SPECC1: variants seen among roughly 807,000 people sequenced by gnomAD.
SPECC1 encodes sperm antigen with calponin homology and coiled-coil domains 1, also known as cytospin-B.
A neutral mutation model predicts 104.1 loss-of-function variants in SPECC1; 62 were observed. That is an observed-to-expected ratio of 0.60 (90% CI 0.49 to 0.74). SPECC1 has a LOEUF of 0.74. SPECC1 is among the 30% of genes least tolerant of loss of function. The pLI is 0.00. For synonymous variants in SPECC1, 513 were observed against 501.6 expected, an observed-to-expected ratio of 1.02 and a Z score of -0.30; for missense variants, 1,306 against 1,310.5, an observed-to-expected ratio of 1.00 and a Z score of 0.05.
At chr17:20,072,735 C>G (rs1567824729) in intron 1 of SPECC1, among the ~76,000 whole-genome samples, 1 of 152,342 alleles carries the variant, frequency 6.6e-6, no homozygotes, top group East Asian at 1.9e-4. Context: ...TATAAGAGCT[C>G]TCTGCCATGC....
intron 1 of SPECC1, among the ~76,000 whole-genome samples, chr17:20,076,762 T>C (rs957268160): frequency 6.6e-6 from 1 of 152,180 alleles, no homozygotes; most frequent in Admixed American, 6.5e-5. Flanking sequence ...GTTGCTAAAT[T>C]ACTTTATATC....
chr17:20,264,691 C>G (rs1274760408), intron 12 of SPECC1, among the ~76,000 whole-genome samples: 1 of 151,832 alleles, frequency 6.6e-6, no homozygotes, highest in Non-Finnish European at 1.5e-5. Context: ...AGGCTGGTCT[C>G]GAACTCCTGA....
At chr17:20,260,555 G>C (rs933718879) in intron 12 of SPECC1, among the ~76,000 whole-genome samples, 1 of 152,222 alleles carries the variant, frequency 6.6e-6, no homozygotes, top group South Asian at 2.1e-4. Context: ...CACCTCCCGA[G>C]GGAAGGGGAC....
At chr17:20,022,895 A>T (rs572608701) in intron 1 of SPECC1, among the ~76,000 whole-genome samples, 1 of 152,320 alleles carries the variant, frequency 6.6e-6, no homozygotes, top group South Asian at 2.1e-4. Context: ...GCTGCATCTC[A>T]TGACACTATT....
chr17:20,307,093 C>A (rs969538692), intron 14 of SPECC1, among the ~76,000 whole-genome samples: 3 of 152,034 alleles, frequency 2.0e-5, no homozygotes, highest in Non-Finnish European at 2.9e-5. Flanking sequence ...TCATTAGATA[C>A]AGCAGAAGAG....
intron 1 of SPECC1, among the ~76,000 whole-genome samples, chr17:20,056,028 T>G (rs2045951765): frequency 6.6e-6 from 1 of 152,224 alleles, no homozygotes. Flanking sequence ...GGGATTTCTG[T>G]TAGCTAGATC....
At chr17:20,123,746 T>C (rs1011457336) in intron 3 of SPECC1, among the ~76,000 whole-genome samples, 2 of 152,244 alleles carry the variant, frequency 1.3e-5, no homozygotes, top group African/African-American at 4.8e-5. Flanking sequence ...TCTTTACCTG[T>C]TGTAGAATTA....
chr17:20,118,022 T>G (rs2048846505), intron 3 of SPECC1, among the ~76,000 whole-genome samples: 1 of 151,930 alleles, frequency 6.6e-6, no homozygotes, highest in Non-Finnish European at 1.5e-5. Flanking sequence ...GGAGGATCAC[T>G]TGAACCTGGG....
At chr17:20,211,822 C>T in intron 4 of SPECC1, among the ~76,000 whole-genome samples, 1 of 152,214 alleles carries the variant, frequency 6.6e-6, no homozygotes, top group East Asian at 1.9e-4. Flanking sequence ...CCCAATCCTG[C>T]CTGACCCTGC....
chr17:20,227,964 C>T (rs922584594), intron 5 of SPECC1, among the ~76,000 whole-genome samples: 1 of 150,296 alleles, frequency 6.7e-6, no homozygotes, highest in African/African-American at 2.4e-5. Context: ...CAGTGGGTGA[C>T]GAGGGGGGGT....
chr17:20,227,017 C>T (rs2038257909), intron 4 of SPECC1, among the ~76,000 whole-genome samples: 1 of 110,870 alleles, frequency 9.0e-6, no homozygotes. Context: ...CCCAGGGAAG[C>T]ACTGCTCTCC....
At chr17:20,169,867 A>G (rs556781611) in intron 3 of SPECC1, among the ~76,000 whole-genome samples, 52 of 152,240 alleles carry the variant, frequency 3.4e-4, no homozygotes, top group Admixed American at 1.5e-3. Flanking sequence ...TGTTGCGCCA[A>G]TTTGCTTTAG....
At chr17:20,134,422 T>C (rs2049817962) in intron 3 of SPECC1, among the ~76,000 whole-genome samples, 1 of 151,826 alleles carries the variant, frequency 6.6e-6, no homozygotes, top group South Asian at 2.1e-4. Flanking sequence ...TAACATCCTT[T>C]CACTGCCCCA....
At chr17:20,281,222 C>T (rs1011565469) in intron 12 of SPECC1, among the ~76,000 whole-genome samples, 19 of 152,184 alleles carry the variant, frequency 1.2e-4, no homozygotes, top group Admixed American at 1.3e-4. Context: ...TGTTATACAG[C>T]GTGTCACCAT....
At chr17:20,157,536 G>A (rs999113729) in intron 3 of SPECC1, among the ~76,000 whole-genome samples, 1 of 152,136 alleles carries the variant, frequency 6.6e-6, no homozygotes. Flanking sequence ...TAAAGGATTG[G>A]TAACATTTTA....
chr17:20,263,698 C>T (rs922765568), intron 12 of SPECC1, among the ~76,000 whole-genome samples: 3 of 152,102 alleles, frequency 2.0e-5, no homozygotes, highest in African/African-American at 4.8e-5. Flanking sequence ...CCACTGATGC[C>T]GCCTGTGCTG....
chr17:20,126,214 C>T (rs542711158), intron 3 of SPECC1, among the ~76,000 whole-genome samples: 7 of 152,242 alleles, frequency 4.6e-5, no homozygotes, highest in South Asian at 4.1e-4. Context: ...CTGCTCTCCT[C>T]TCCTCCTTTC....
chr17:20,017,870 T>C (rs1196044089), intron 1 of SPECC1: 1 of 152,248 alleles, frequency 6.6e-6, no homozygotes, highest in African/African-American at 2.4e-5. Flanking sequence ...TTATCTTTGC[T>C]TGGGTTTGTG....
rs116622890 is a variant in SPECC1 at position 20,130,158 on chromosome 17, A to C, written c.283+19596A>C. On this transcript the variant is annotated intron_variant, in intron 3 of 14. Transcript: ENST00000395527. Reference sequence around the variant, plus strand: ...TATTCATTTTTAGTTAATTTTTGCAAAAGTTGTGAGACTTGGGTCAAGGTT... The same window carrying C: ...TATTCATTTTTAGTTAATTTTTGCACAAGTTGTGAGACTTGGGTCAAGGTT... Among the ~76,000 whole-genome samples the C allele has an allele frequency of 3.7e-3, 559 of 152,294 alleles. 5 individuals are homozygous for C. The highest frequency in any genetic ancestry group is 0.012 in the African/African-American group (512 of 41,552).
Sources: allele counts gnomAD v4.1 joint callset (sites outside exome capture counted in the v4.1 genomes callset), GRCh38; gene constraint gnomAD v4.1.1; transcripts MANE v1.5; gene names NCBI Gene and HGNC (gene_info 2026-07-23, HGNC 2026-07-21).